The following GALNT13 variants were observed in gnomAD, a reference collection of about 807,000 sequenced individuals.
GALNT13 encodes the protein polypeptide N-acetylgalactosaminyltransferase 13.
GALNT13 carries 28 observed loss-of-function variants against 64.2 expected under a neutral mutation model. That is an observed-to-expected ratio of 0.44 (90% CI 0.32 to 0.60). The LOEUF is 0.60. GALNT13 is among the 20% of genes least tolerant of loss of function. The pLI, the probability that GALNT13 is intolerant of heterozygous loss-of-function variation, is 0.05. For missense variants in GALNT13, 577 were observed against 669.8 expected (o/e 0.86, Z 1.53); for synonymous variants, 214 against 224.6 (o/e 0.95, Z 0.42).
chr2:153,127,867 A>T, the GALNT13 span, among the ~76,000 whole-genome samples: 1 of 152,200 alleles, frequency 6.6e-6, no homozygotes, highest in South Asian at 2.1e-4. Context: ...AGCACCTTAA[A>T]GTTCCTTTGA....
chr2:153,564,480 T>C, the GALNT13 span, among the ~76,000 whole-genome samples: 1 of 152,188 alleles, frequency 6.6e-6, no homozygotes, highest in African/African-American at 2.4e-5. Context: ...CGCATTGTTT[T>C]GACATCAATA....
At chr2:154,307,344 T>C (rs1436951779) in intron 9 of GALNT13, among the ~76,000 whole-genome samples, 3 of 152,160 alleles carry the variant, frequency 2.0e-5, no homozygotes, top group African/African-American at 7.2e-5. Context: ...CAAACCAAAA[T>C]AAGGTTACTT....
intron 1 of GALNT13, among the ~76,000 whole-genome samples, chr2:153,892,584 T>G (rs961138470): frequency 6.6e-6 from 1 of 152,050 alleles, no homozygotes; most frequent in African/African-American, 2.4e-5. Context: ...ATCTAAGCAA[T>G]CTTTAATTTC....
chr2:153,428,479 T>C, the GALNT13 span, among the ~76,000 whole-genome samples: 7 of 152,180 alleles, frequency 4.6e-5, no homozygotes, highest in African/African-American at 1.7e-4. Context: ...CACAGATGCT[T>C]TCTTCCCATC....
intron 3 of GALNT13, among the ~76,000 whole-genome samples, chr2:154,132,462 G>T (rs1199725615): frequency 6.6e-6 from 1 of 151,686 alleles, no homozygotes; most frequent in Non-Finnish European, 1.5e-5. Flanking sequence ...TTTAATCACT[G>T]CATAGTTTTC....
At chr2:153,079,683 A>G in the GALNT13 span, among the ~76,000 whole-genome samples, 2 of 152,130 alleles carry the variant, frequency 1.3e-5, no homozygotes, top group African/African-American at 2.4e-5. Context: ...TAATACTACT[A>G]TCAATAATTT....
At chr2:153,283,970 T>G in the GALNT13 span, among the ~76,000 whole-genome samples, 1 of 152,140 alleles carries the variant, frequency 6.6e-6, no homozygotes, top group Non-Finnish European at 1.5e-5. Context: ...CACTACAATT[T>G]AAGCTCAGGA....
At chr2:154,126,775 A>C (rs1558972908) in intron 3 of GALNT13, among the ~76,000 whole-genome samples, 1 of 152,194 alleles carries the variant, frequency 6.6e-6, no homozygotes, top group Non-Finnish European at 1.5e-5. Flanking sequence ...ATGCAAGGTA[A>C]TGTGGGCTTA....
the GALNT13 span, among the ~76,000 whole-genome samples, chr2:153,269,226 G>A: frequency 6.6e-6 from 1 of 152,128 alleles, no homozygotes; most frequent in African/African-American, 2.4e-5. Context: ...CTTTAGGAAT[G>A]CATATGACTA....
chr2:154,387,036 TGTG>T (rs1245400977), intron 9 of GALNT13, among the ~76,000 whole-genome samples: 3 of 152,064 alleles, frequency 2.0e-5, no homozygotes, highest in East Asian at 3.9e-4. Context: ...AAAATAAAAT[TGTG>T]GTAATAATAG....
At chr2:154,324,758 C>T (rs1471597751) in intron 9 of GALNT13, among the ~76,000 whole-genome samples, 2 of 152,006 alleles carry the variant, frequency 1.3e-5, no homozygotes, top group Non-Finnish European at 2.9e-5. Flanking sequence ...GATGAGGTCA[C>T]TGATTATAAC....
chr2:153,306,776 T>C, the GALNT13 span, among the ~76,000 whole-genome samples: 3 of 152,190 alleles, frequency 2.0e-5, no homozygotes, highest in Non-Finnish European at 4.4e-5. Flanking sequence ...CTTTCTAAGA[T>C]GGAGTCTCGC....
intron 4 of GALNT13, among the ~76,000 whole-genome samples, chr2:154,223,792 A>G (rs149939124): frequency 2.6e-5 from 4 of 152,136 alleles, no homozygotes; most frequent in Non-Finnish European, 4.4e-5. Context: ...CTAACATTAC[A>G]TTGAAATTAA....
intron 2 of GALNT13, among the ~76,000 whole-genome samples, chr2:153,928,184 A>AT (rs1409178585): frequency 2.6e-5 from 4 of 151,988 alleles, no homozygotes; most frequent in African/African-American, 9.7e-5. Context: ...ATTCCTCATT[A>AT]TTTTTCTACA....
intron 7 of GALNT13, among the ~76,000 whole-genome samples, chr2:154,251,025 A>G (rs1036386936): frequency 1.6e-4 from 25 of 152,138 alleles, no homozygotes; most frequent in African/African-American, 6.0e-4. Context: ...TCAGATAAAA[A>G]TATTTGAATC....
At chr2:153,268,950 G>A in the GALNT13 span, among the ~76,000 whole-genome samples, 48 of 152,324 alleles carry the variant, frequency 3.2e-4, no homozygotes, top group Non-Finnish European at 5.7e-4. Context: ...TAGACACATG[G>A]AATCATTTAT....
At chr2:153,816,770 G>C in the GALNT13 span, among the ~76,000 whole-genome samples, 1 of 152,130 alleles carries the variant, frequency 6.6e-6, no homozygotes, top group South Asian at 2.1e-4. Context: ...CTTACTGCTT[G>C]GTCCATATGA....
At chr2:154,195,736 G>T (rs1686844609) in intron 4 of GALNT13, among the ~76,000 whole-genome samples, 1 of 151,950 alleles carries the variant, frequency 6.6e-6, no homozygotes, top group Admixed American at 6.6e-5. Context: ...TTAGCTATGG[G>T]GCTTAAATGA....
the GALNT13 span, among the ~76,000 whole-genome samples, chr2:153,118,147 C>CA: frequency 0.057 from 8,007 of 140,120 alleles, 351 homozygotes; most frequent in South Asian, 0.1. Flanking sequence ...ACACACACAC[C>CA]CCACATAAAC....
Sources: gnomAD v4.1 joint callset for allele counts (sites outside exome capture counted in the v4.1 genomes callset) on GRCh38, gnomAD v4.1.1 for gene constraint, MANE v1.5 for transcripts, NCBI Gene and HGNC (gene_info 2026-07-23, HGNC 2026-07-21) for gene names.